Variants in ANKRD11 observed in about 807,000 individuals in gnomAD.
ANKRD11 encodes ankyrin repeat domain 11, also known as ankyrin repeat domain-containing protein 11.
In ANKRD11, 17 loss-of-function variants were observed where a neutral mutation model predicts 195.7. The ratio of observed to expected loss-of-function variants is 0.09; its 90% confidence interval spans 0.06 to 0.13. The LOEUF (loss-of-function observed/expected upper bound fraction) is 0.13. Ranked by LOEUF, ANKRD11 falls within the 10% of genes least tolerant of loss-of-function variation. The pLI, the probability that ANKRD11 is intolerant of heterozygous loss-of-function variation, is 1.00. For missense variants in ANKRD11, 3,735 were observed against 3,566.1 expected (o/e 1.05, Z -1.21); for synonymous variants, 1,953 against 1,528.1 (o/e 1.28, Z -6.49).
chr16:89,406,576 C>G (rs1364216164), intron 2 of ANKRD11, among the ~76,000 whole-genome samples: 1 of 152,158 alleles, frequency 6.6e-6, no homozygotes, highest in African/African-American at 2.4e-5. Flanking sequence ...ATGTGCTTCC[C>G]CAGTGCTTAT....
chr16:89,479,276 A>G (rs1302103214), intron 1 of ANKRD11, among the ~76,000 whole-genome samples: 2 of 148,498 alleles, frequency 1.3e-5, no homozygotes, highest in African/African-American at 2.5e-5. Flanking sequence ...CAAAAAAAGG[A>G]AAAAAAAAAC....
At chr16:89,365,356 G>A (rs1408965513) in intron 2 of ANKRD11, among the ~76,000 whole-genome samples, 4 of 152,168 alleles carry the variant, frequency 2.6e-5, no homozygotes, top group African/African-American at 9.7e-5. Flanking sequence ...AAGAGCATGA[G>A]GCCAAATCAC....
intron 3 of ANKRD11, chr16:89,313,281 G>A: frequency 7.8e-7 from 1 of 1,278,536 alleles, no homozygotes; most frequent in Non-Finnish European, 1.0e-6. Context: ...GGACCCATGG[G>A]GTGGGGACGA....
In ANKRD11 at chr16:89,281,282, T is replaced by C. The variant is rs756106781; in HGVS notation, c.5260A>G (p.Ser1754Gly). 22 of 1,613,970 alleles carry C rather than the reference T, an allele frequency of 1.4e-5. No individual in the cohort carries two copies. The highest frequency in any genetic ancestry group is 1.6e-4 in the Middle Eastern group (1 of 6,084). Residue 1754 changes from serine (S) to glycine (G), a missense_variant, in exon 9 of 13, where the codon AGC (serine) becomes GGC (glycine). Coordinates refer to ENST00000301030, the MANE Select transcript of ANKRD11 (RefSeq NM_013275.6). This position sits in a 1 kb window ranked among gnomAD's most constrained non-coding sequence, Gnocchi z 5.5. ...HSTPVPTAPT[S>G]ACSPSFFDRF... ...TCGAAAAAGGAGGGGGAGCAGGCGC[T>C]GGTGGGAGCGGTGGGCACGGGCGTG...
intron 1 of ANKRD11, among the ~76,000 whole-genome samples, chr16:89,449,187 CA>C (rs397778191): frequency 0.27 from 19,630 of 73,422 alleles, 1,321 homozygotes; most frequent in Non-Finnish European, 0.33. Context: ...CCAGTCTCTA[CA>C]AAAAAAAAAA....
At chr16:89,487,645 G>T (rs1000137465) in intron 1 of ANKRD11, among the ~76,000 whole-genome samples, 2 of 151,920 alleles carry the variant, frequency 1.3e-5, no homozygotes, top group South Asian at 4.2e-4. Flanking sequence ...GTGGCGGTGG[G>T]CGCCTGTAAT....
At position 89,282,948 on chromosome 16, in the gene ANKRD11, T is replaced by C. The variant is rs776751939; in HGVS notation, c.3594A>G (p.Lys1198=). Residue 1198 remains lysine, a synonymous_variant, in exon 9 of 13, where the codon AAA becomes AAG. Coordinates refer to ENST00000301030, the MANE Select transcript of ANKRD11 (RefSeq NM_013275.6). ...CCTTGTGCTTTTCAAAGACTTTCTC[T>C]TTTTTGTCTCTCCCCGCGTCGGCAG... ...RGAADAGRDK[K]EKVFEKHKEK... 3 of 1,613,212 alleles carry C rather than the reference T, an allele frequency of 1.9e-6. No homozygotes were observed. Among genetic ancestry groups the C allele is most frequent in the South Asian group, 2.2e-5 (2 of 91,054 alleles).
intron 2 of ANKRD11, among the ~76,000 whole-genome samples, chr16:89,320,584 C>G (rs1286861876): frequency 6.6e-6 from 1 of 152,198 alleles, no homozygotes; most frequent in Non-Finnish European, 1.5e-5. Flanking sequence ...ACCGTCCCAG[C>G]TTCGTGGACT....
intron 1 of ANKRD11, among the ~76,000 whole-genome samples, chr16:89,429,765 T>C (rs2042896436): frequency 1.5e-5 from 1 of 64,888 alleles, no homozygotes; most frequent in Admixed American, 1.6e-4. Context: ...GCAGGGACTC[T>C]CAACTCTCAC....
chr16:89,273,025 A>G (rs2033306414), intron 11 of ANKRD11: 1 of 141,520 alleles, frequency 7.1e-6, no homozygotes, highest in African/African-American at 2.6e-5. Context: ...GCAGGGAGGT[A>G]GAAGTGGTTA....
At chr16:89,405,015 T>A (rs2041849101) in intron 2 of ANKRD11, among the ~76,000 whole-genome samples, 1 of 152,056 alleles carries the variant, frequency 6.6e-6, no homozygotes, top group South Asian at 2.1e-4. Context: ...ATCTAAAAAC[T>A]TCTCCTCTCC....
intron 2 of ANKRD11, among the ~76,000 whole-genome samples, chr16:89,334,080 G>A (rs1318098385): frequency 6.7e-6 from 1 of 149,270 alleles, no homozygotes; most frequent in African/African-American, 2.5e-5. Context: ...GGAAGGCTGA[G>A]GTGGGTGGAT....
rs529309665 is a variant in ANKRD11, at chr16:89,452,467, A to G, written c.-144-34099T>C. 5.3e-5 allele frequency among the ~76,000 whole-genome samples: 8 copies of G among 152,188 alleles called. No homozygotes were observed. The East Asian group carries it at 1.6e-3, about 29-fold the overall frequency. On this transcript the variant is annotated intron_variant, in intron 1 of 12. Coordinates refer to ENST00000301030, the MANE Select transcript of ANKRD11 (RefSeq NM_013275.6). Reference sequence around the variant, plus strand: ...AAAACTAGTAACACCTTTCTGTTAGAAACCACAGCGGGTGAGGACACAGCT... The same window carrying G: ...AAAACTAGTAACACCTTTCTGTTAGGAACCACAGCGGGTGAGGACACAGCT...
intron 2 of ANKRD11, among the ~76,000 whole-genome samples, chr16:89,405,276 G>A (rs958690384): frequency 6.6e-6 from 1 of 152,164 alleles, no homozygotes; most frequent in African/African-American, 2.4e-5. Flanking sequence ...GTTACGTGGG[G>A]CATGACTGTA....
chr16:89,288,920 A>G (rs1214852021), intron 6 of ANKRD11: 6 of 591,616 alleles, frequency 1.0e-5, no homozygotes, highest in Non-Finnish European at 1.8e-5. Flanking sequence ...CTGCAGGGCT[A>G]ATCTGCGGCA....
intron 6 of ANKRD11, among the ~76,000 whole-genome samples, chr16:89,289,310 G>C (rs2034871677): frequency 6.6e-6 from 1 of 152,164 alleles, no homozygotes; most frequent in Admixed American, 6.5e-5. Context: ...GCTAAATTAG[G>C]TTTGGGTCAG....
rs774835191 is a variant in ANKRD11 at position 89,288,636 on chromosome 16, G to T, written c.636C>A (p.Gly212=). The part of the protein sequence containing the change: ...WTALHEACNR[G]YYDVAKQLLA... ...GCAGCTGCTTCGCGACGTCGTAGTA[G>T]CCCCGGTTACAGGCCTCGTGCAGCG... The change falls in exon 7 of 13, where the codon GGC becomes GGA. Residue 212 remains glycine, a synonymous_variant. Transcript: ENST00000301030. 1.9e-6 allele frequency: 3 copies of T among 1,614,118 alleles called. No homozygotes were observed. In the East Asian group the frequency reaches 6.7e-5, roughly 36 times the overall value.
At chr16:89,384,874 G>GTTTTTTTTTT (rs1257714722) in intron 2 of ANKRD11, among the ~76,000 whole-genome samples, 5 of 72,752 alleles carry the variant, frequency 6.9e-5, no homozygotes, top group African/African-American at 2.8e-4. Context: ...ATGAGAAATA[G>GTTTTTTTTTT]TTTTCTTTTT....
rs1184998330 is a variant in ANKRD11 at position 89,432,979 on chromosome 16, TCTCTCTCTCTC to T, written c.-144-14622_-144-14612del. Reference sequence around the variant, plus strand: ...CTCTCTCTCTCTCTCTCTCTCTCTCTCTCTCTCTCTCCTCTCTCTCACACACACACACACAC... The same window carrying T: ...CTCTCTCTCTCTCTCTCTCTCTCTCTCTCTCTCTCACACACACACACACAC... On this transcript the variant is annotated intron_variant, in intron 1 of 12. Coordinates refer to ENST00000301030, the MANE Select transcript of ANKRD11 (RefSeq NM_013275.6). Among the ~76,000 whole-genome samples, 1,172 of 145,504 alleles carry T rather than the reference TCTCTCTCTCTC, an allele frequency of 8.1e-3. 10 individuals are homozygous for T. Among genetic ancestry groups the T allele is most frequent in the African/African-American group, 0.029 (1,095 of 37,836 alleles).
Sources: allele counts gnomAD v4.1 joint callset (sites outside exome capture counted in the v4.1 genomes callset), GRCh38; gene constraint gnomAD v4.1.1; non-coding constraint Gnocchi (gnomAD v3.1); transcripts MANE v1.5; gene names NCBI Gene and HGNC (gene_info 2026-07-23, HGNC 2026-07-21).